The following AGBL4 variants were observed in gnomAD, a reference collection of about 807,000 sequenced individuals.
AGBL4 encodes cytosolic carboxypeptidase 6.
A neutral mutation model predicts 66.4 loss-of-function variants in AGBL4; 58 were observed. The ratio of observed to expected loss-of-function variants is 0.87; its 90% CI spans 0.71 to 1.09. AGBL4 has a LOEUF of 1.09. Among genes scored for constraint, AGBL4 ranks in the 50% least tolerant of loss-of-function variants. AGBL4 has a pLI of 0.00. For synonymous variants in AGBL4, 234 were observed against 222.9 expected (o/e 1.05, Z -0.44); for missense variants, 579 against 631.0 (o/e 0.92, Z 0.88).
At chr1:48,597,554 C>T (rs146191043) in intron 9 of AGBL4, among the ~76,000 whole-genome samples, 1 of 151,938 alleles carries the variant, frequency 6.6e-6, no homozygotes, top group African/African-American at 2.4e-5. Flanking sequence ...AGCCATTCAG[C>T]CAGGTGTGGT....
chr1:49,672,921 C>CAAAA (rs60612868), intron 3 of AGBL4, among the ~76,000 whole-genome samples: 46 of 46,960 alleles, frequency 9.8e-4, no homozygotes, highest in African/African-American at 2.2e-3. Flanking sequence ...AACTCCATCT[C>CAAAA]AAAAAAAAAA....
chr1:49,544,368 T>C (rs955811945), intron 3 of AGBL4, among the ~76,000 whole-genome samples: 6 of 152,156 alleles, frequency 3.9e-5, no homozygotes, highest in Admixed American at 1.3e-4. Flanking sequence ...AAGAGTAAAA[T>C]AGGAGTCCTT....
chr1:49,970,091 A>C, intron 1 of AGBL4, among the ~76,000 whole-genome samples: 1 of 152,188 alleles, frequency 6.6e-6, no homozygotes, highest in East Asian at 1.9e-4. Context: ...CATACACAAA[A>C]ATTAATCCAA....
At chr1:49,433,318 A>G (rs927269931) in intron 3 of AGBL4, among the ~76,000 whole-genome samples, 3 of 152,162 alleles carry the variant, frequency 2.0e-5, no homozygotes, top group Non-Finnish European at 4.4e-5. Flanking sequence ...AAGTGGGGGC[A>G]GTCTTGTGGG....
At chr1:48,686,199 C>T (rs1646528545) in intron 6 of AGBL4, among the ~76,000 whole-genome samples, 1 of 152,186 alleles carries the variant, frequency 6.6e-6, no homozygotes, top group Non-Finnish European at 1.5e-5. Flanking sequence ...TTACCGCCTC[C>T]AGGAAGACTT....
chr1:49,421,142 C>T (rs532489945), intron 3 of AGBL4, among the ~76,000 whole-genome samples: 14 of 152,220 alleles, frequency 9.2e-5, no homozygotes, highest in African/African-American at 3.4e-4. Context: ...CATCTCAAAG[C>T]CTTAGTGTCT....
intron 3 of AGBL4, among the ~76,000 whole-genome samples, chr1:49,464,858 G>C (rs1257620095): frequency 6.6e-6 from 1 of 151,626 alleles, no homozygotes; most frequent in Non-Finnish European, 1.5e-5. Flanking sequence ...CATGATGAGA[G>C]AAACTATGAC....
chr1:49,856,266 G>T lies in AGBL4; in HGVS notation c.35-4748C>A, dbSNP rs1452959445. ...GTAATTTTAAAAACTTCCCAATGAA[G>T]AAAGCACAGGAACAAATGGCTGTAC... On this transcript the variant is annotated intron_variant, in intron 1 of 13. Coordinates refer to ENST00000371839, the MANE Select transcript of AGBL4 (RefSeq NM_032785.4). 2.6e-4 allele frequency among the ~76,000 whole-genome samples: 39 copies of T among 152,014 alleles called. 1 individual carries two copies. The highest frequency in any genetic ancestry group is 2.6e-3 in the Admixed American group (39 of 15,266).
At chr1:48,661,195 C>T (rs570555454) in intron 7 of AGBL4, among the ~76,000 whole-genome samples, 82 of 152,270 alleles carry the variant, frequency 5.4e-4, no homozygotes, top group African/African-American at 1.3e-3. Flanking sequence ...AAGATGATGG[C>T]CATCTTTAGA....
chr1:48,685,283 T>A (rs1342226543), intron 6 of AGBL4, among the ~76,000 whole-genome samples: 1 of 152,248 alleles, frequency 6.6e-6, no homozygotes, highest in Non-Finnish European at 1.5e-5. Context: ...ATGGGGCTAA[T>A]ACATTTTTAT....
chr1:49,759,415 C>A (rs931774998), intron 2 of AGBL4, among the ~76,000 whole-genome samples: 1 of 152,174 alleles, frequency 6.6e-6, no homozygotes, highest in Non-Finnish European at 1.5e-5. Flanking sequence ...CTGAGAAATT[C>A]TCAGTCTAGA....
chr1:49,669,785 AGTTT>A (rs749395142), intron 3 of AGBL4, among the ~76,000 whole-genome samples: 17 of 152,264 alleles, frequency 1.1e-4, no homozygotes, highest in Admixed American at 6.5e-4. Context: ...ATGTAAACAG[AGTTT>A]CAAAAAAATT....
intron 3 of AGBL4, among the ~76,000 whole-genome samples, chr1:49,679,118 A>T (rs1646639195): frequency 6.6e-6 from 1 of 152,168 alleles, no homozygotes; most frequent in Non-Finnish European, 1.5e-5. Flanking sequence ...ATGTGTTACC[A>T]GTTGTTGAGA....
chr1:49,822,450 T>C (rs2147995434), intron 2 of AGBL4, among the ~76,000 whole-genome samples: 1 of 152,172 alleles, frequency 6.6e-6, no homozygotes, highest in Admixed American at 6.5e-5. Flanking sequence ...TGCCTTAGCC[T>C]CCTGAGTAGC....
chr1:49,248,601 A>C (rs1269471774), intron 3 of AGBL4, among the ~76,000 whole-genome samples: 1 of 152,064 alleles, frequency 6.6e-6, no homozygotes, highest in African/African-American at 2.4e-5. Context: ...AGTTCCCTAC[A>C]CGTTCTGCGA....
chr1:48,903,398 T>A (rs964795189), intron 5 of AGBL4, among the ~76,000 whole-genome samples: 1 of 152,234 alleles, frequency 6.6e-6, no homozygotes, highest in Non-Finnish European at 1.5e-5. Context: ...CTATGTGTAA[T>A]GTTGACAGTT....
At chr1:49,768,475 T>C (rs1327921670) in intron 2 of AGBL4, among the ~76,000 whole-genome samples, 1 of 152,208 alleles carries the variant, frequency 6.6e-6, no homozygotes, top group Non-Finnish European at 1.5e-5. Context: ...GAAACCCATA[T>C]CTTTTTATGT....
intron 2 of AGBL4, among the ~76,000 whole-genome samples, chr1:49,703,931 C>T (rs1336458809): frequency 6.6e-6 from 1 of 151,990 alleles, no homozygotes; most frequent in East Asian, 1.9e-4. Flanking sequence ...AGCAATGGCA[C>T]TACCAGCAAA....
At chr1:49,180,189 C>T (rs946453542) in intron 4 of AGBL4, among the ~76,000 whole-genome samples, 3 of 152,156 alleles carry the variant, frequency 2.0e-5, no homozygotes, top group South Asian at 4.2e-4. Context: ...TGAGCCACTG[C>T]GCCCAGCTAC....
Sources: allele counts gnomAD v4.1 joint callset (sites outside exome capture counted in the v4.1 genomes callset), GRCh38; gene constraint gnomAD v4.1.1; transcripts MANE v1.5; gene names NCBI Gene and HGNC (gene_info 2026-07-23, HGNC 2026-07-21).